The following ITPR3 variants were observed in gnomAD, a reference collection of about 807,000 sequenced individuals.
ITPR3 encodes the protein inositol 1,4,5-trisphosphate-gated calcium channel ITPR3.
ITPR3 carries 173 observed loss-of-function variants against 293.2 expected under a neutral mutation model. The observed-to-expected ratio is 0.59, with a 90% CI of 0.52 to 0.67. The LOEUF (loss-of-function observed/expected upper bound fraction) is 0.67, where lower values mean the gene tolerates loss of function less well. Among genes scored for constraint, ITPR3 ranks in the 30% least tolerant of loss-of-function variants. The pLI, the probability that ITPR3 is intolerant of heterozygous loss-of-function variation, is 0.00. For synonymous variants in ITPR3, 1,295 were observed against 1,444.4 expected, an observed-to-expected ratio of 0.90 and a Z score of 2.35; for missense variants, 2,796 against 3,592.1, an observed-to-expected ratio of 0.78 and a Z score of 5.66.
chr6:33,669,685 C>A (rs1267199621), intron 18 of ITPR3, among the ~76,000 whole-genome samples: 3 of 152,236 alleles, frequency 2.0e-5, no homozygotes, highest in Admixed American at 1.3e-4. Flanking sequence ...AGCACTTGTC[C>A]TGATCCTTCA....
In ITPR3 at chr6:33,634,411, C is replaced by T. The variant is rs567013837; in HGVS notation, c.90-6073C>T. ...GACCCGGGAGAAAATGCCCAAGGTC[C>T]CATCTCCTGCCTCCCAAGTCCTCAC... is the stretch of plus-strand genomic sequence containing the variant. On this transcript the variant is annotated intron_variant, in intron 1 of 57. Coordinates refer to ENST00000605930, the MANE Select transcript of ITPR3 (RefSeq NM_002224.4). Among the ~76,000 whole-genome samples the T allele has an allele frequency of 3.3e-5, 5 of 152,214 alleles. 1 individual carries two copies. Among genetic ancestry groups the T allele is most frequent in the African/African-American group, 1.2e-4 (5 of 41,530 alleles).
At chr6:33,628,500 T>C (rs1763599146) in intron 1 of ITPR3, among the ~76,000 whole-genome samples, 1 of 152,210 alleles carries the variant, frequency 6.6e-6, no homozygotes, top group South Asian at 2.1e-4. Context: ...AGCAGGGGAC[T>C]GAGAAGAGAA....
intron 39 of ITPR3, 142 bp from the exon 40 acceptor site, chr6:33,685,217 G>A: frequency 1.1e-6 from 1 of 870,050 alleles, no homozygotes; most frequent in Non-Finnish European, 1.8e-6. Flanking sequence ...GGGTGGCCAT[G>A]GATGCTAGCC....
In ITPR3 at chr6:33,691,749, G is replaced by A; in HGVS notation, c.7330+30G>A. On this transcript the variant is annotated intron_variant, in intron 53 of 57. Transcript: ENST00000605930. The surrounding 1 kb of genome is among the most constrained non-coding windows in gnomAD (Gnocchi z 4.9). ...GGGTGGTGTGTGTGCAGGAGTCTGT[G>A]TGGGGTAGGAGGAGCAGGCAGCCCG... 1 of 1,611,500 alleles carries A rather than the reference G, an allele frequency of 6.2e-7. No homozygotes were observed. The highest frequency in any genetic ancestry group is 1.1e-5 in the South Asian group (1 of 90,742).
In ITPR3 at chr6:33,686,045, C is replaced by G; in HGVS notation, c.5668-8C>G. ...CTGTGCTGTGCCCAACCCTTCTGTG[C>G]CCCGCAGAACTTCCTGCGCTGTCAG... is the stretch of plus-strand genomic sequence containing the variant. On this transcript the variant is annotated splice_region_variant and splice_polypyrimidine_tract_variant and intron_variant, in intron 41 of 57. Coordinates refer to ENST00000605930, the MANE Select transcript of ITPR3 (RefSeq NM_002224.4). The G allele has an allele frequency of 6.2e-7, 1 of 1,613,780 alleles. No individual in the cohort carries two copies. The highest frequency in any genetic ancestry group is 8.5e-7 in the Non-Finnish European group (1 of 1,179,952).
intron 9 of ITPR3, 99 bp downstream of exon 9, chr6:33,663,105 C>T (rs1348374259): frequency 9.1e-6 from 9 of 983,982 alleles, no homozygotes; most frequent in African/African-American, 1.6e-5. Flanking sequence ...GGCACATGTG[C>T]CTATGGACCC....
intron 24 of ITPR3, among the ~76,000 whole-genome samples, chr6:33,674,642 GC>G (rs1306398531): frequency 6.6e-6 from 1 of 152,248 alleles, no homozygotes; most frequent in Non-Finnish European, 1.5e-5. Flanking sequence ...CTCACTGGGG[GC>G]TTTTAGCATC....
In ITPR3 at chr6:33,653,406, C is replaced by T. The variant is rs112295218; in HGVS notation, c.161-2360C>T. Among the ~76,000 whole-genome samples, 379 of 152,034 alleles carry T rather than the reference C, an allele frequency of 2.5e-3. 1 individual carries two copies. The highest frequency in any genetic ancestry group is 0.01 in the Middle Eastern group (3 of 294). ...CTGGAATTACAGGCGTGAGCCACTG[C>T]GCCCAGCCCACTTACCTTTAAATCA... is the stretch of plus-strand genomic sequence containing the variant. On this transcript the variant is annotated intron_variant, in intron 2 of 57. Coordinates refer to ENST00000605930, the MANE Select transcript of ITPR3 (RefSeq NM_002224.4).
intron 33 of ITPR3, among the ~76,000 whole-genome samples, chr6:33,681,685 G>A (rs72882055): frequency 0.015 from 2,259 of 152,232 alleles, 26 homozygotes; most frequent in Non-Finnish European, 0.022. Flanking sequence ...CTGGGGTGGG[G>A]TGGGATCGTG....
At position 33,670,412 on chromosome 6, in the gene ITPR3, G is replaced by C; in HGVS notation, c.2277G>C (p.Leu759=). 1 of 1,614,102 alleles carries C rather than the reference G, an allele frequency of 6.2e-7. No homozygotes were observed. The highest frequency in any genetic ancestry group is 8.5e-7 in the Non-Finnish European group (1 of 1,180,026). The change falls in exon 19 of 58, where the codon CTG becomes CTC. Residue 759 remains leucine (L), a synonymous_variant. Transcript: ENST00000605930. The surrounding 1 kb of genome is among the most constrained non-coding windows in gnomAD (Gnocchi z 6.7). The part of the protein sequence containing the change: ...DEISQQLGVD[L]IFLCMADEML... Reference sequence around the variant, plus strand: ...TCTCCCAGCAGCTGGGCGTGGACCTGATTTTCCTGTGCATGGCAGACGAGA... The same window carrying C: ...TCTCCCAGCAGCTGGGCGTGGACCTCATTTTCCTGTGCATGGCAGACGAGA...
rs751097218 is a variant in ITPR3, at chr6:33,678,696, G to A, written c.3829G>A (p.Glu1277Lys). The A allele has an allele frequency of 3.7e-6, 6 of 1,613,124 alleles. No homozygotes were observed. Among genetic ancestry groups the A allele is most frequent in the South Asian group, 2.2e-5 (2 of 90,872 alleles). Residue 1277 changes from glutamate to lysine, a missense_variant, in exon 30 of 58, where the codon GAG becomes AAG. This residue lies in a region of ITPR3 where 344 missense variants were observed against 460.3 expected (regional missense o/e 0.75). Transcript: ENST00000605930. ...CCTGAACAACTATCAGCTCTGCTCC[G>A]AGATCAGCGAGCCTGTGTTGCAGCA... ...IFLNNYQLCS[E>K]ISEPVLQHFV...
intron 7 of ITPR3, 91 bp downstream of exon 7, chr6:33,659,640 A>C: frequency 9.1e-7 from 1 of 1,095,222 alleles, no homozygotes. Flanking sequence ...GCCAGGCCTC[A>C]GGCCCTTACC....
chr6:33,621,427 C>T lies in ITPR3; in HGVS notation c.-176C>T, dbSNP rs1284651688. 7 of 455,364 alleles carry T rather than the reference C, an allele frequency of 1.5e-5. No homozygotes were observed. Among genetic ancestry groups the T allele is most frequent in the African/African-American group, 4.2e-5 (2 of 47,328 alleles). The allele number at this position is 455,364 out of a possible 1,614,324, so 28.2% of individuals were successfully genotyped here. On this transcript the variant is annotated 5_prime_UTR_variant, in exon 1 of 58. Coordinates refer to ENST00000605930, the MANE Select transcript of ITPR3 (RefSeq NM_002224.4). This position sits in a 1 kb window ranked among gnomAD's most constrained non-coding sequence, Gnocchi z 7.7. ...ACCTCCTCACCCGGACCCCGGGCCC[C>T]GCCGAGCCGCCTCCTGGCTCCCGTG...
rs1358545242 is a variant in ITPR3, at chr6:33,687,476, A to G, written c.6178-2A>G. 6.2e-7 allele frequency: 1 copy of G among 1,610,022 alleles called. No homozygotes were observed. The highest frequency in any genetic ancestry group is 8.5e-7 in the Non-Finnish European group (1 of 1,178,902). ...TGGTGACTGTGCTGCCATTTCCCTC[A>G]GCTCTCCAGGCACAATAAACAGCTG... On this transcript the variant is annotated splice_acceptor_variant, in intron 45 of 57. Coordinates refer to ENST00000605930, the MANE Select transcript of ITPR3 (RefSeq NM_002224.4). LOFTEE classifies it high-confidence loss of function. The surrounding 1 kb of genome is among the most constrained non-coding windows in gnomAD (Gnocchi z 5.3).
At chr6:33,688,982 C>T (rs1765315901) in intron 49 of ITPR3, among the ~76,000 whole-genome samples, 1 of 152,208 alleles carries the variant, frequency 6.6e-6, no homozygotes, top group South Asian at 2.1e-4. Context: ...GGTCTTTGAC[C>T]TCATGGGAGA....
At position 33,688,460 on chromosome 6, in the gene ITPR3, C is replaced by T. The variant is rs199782948; in HGVS notation, c.6568+29C>T. 4.0e-4 allele frequency: 590 copies of T among 1,470,086 alleles called. 3 individuals carry two copies. Among genetic ancestry groups the T allele is most frequent in the Admixed American group, 2.6e-3 (127 of 49,296 alleles). 91.1% of individuals were successfully genotyped at this position (1,470,086 alleles called of 1,614,324 possible). On this transcript the variant is annotated intron_variant, in intron 48 of 57. Coordinates refer to ENST00000605930, the MANE Select transcript of ITPR3 (RefSeq NM_002224.4). ...AGGACCCACGGGCGGGAGGGTGGGG[C>T]GGTCTGGAGCTGTTCACTGATGCCC...
chr6:33,631,160 G>T (rs1376325536), intron 1 of ITPR3, among the ~76,000 whole-genome samples: 1 of 152,246 alleles, frequency 6.6e-6, no homozygotes, highest in Non-Finnish European at 1.5e-5. Flanking sequence ...CAGTTGTAGG[G>T]TCTAGCCCTA....
chr6:33,663,661 T>A, intron 10 of ITPR3, 77 bp from the exon 11 acceptor site: 1 of 1,608,280 alleles, frequency 6.2e-7, no homozygotes, highest in South Asian at 1.1e-5. Context: ...ACAGATGGGA[T>A]CTCAGGTGGG....
chr6:33,626,817 T>G (rs535623510), intron 1 of ITPR3, among the ~76,000 whole-genome samples: 2 of 152,308 alleles, frequency 1.3e-5, no homozygotes, highest in East Asian at 3.9e-4. Flanking sequence ...CTTTCTTTTA[T>G]TTTTTTGGAG....
Sources: allele counts gnomAD v4.1 joint callset (sites outside exome capture counted in the v4.1 genomes callset), GRCh38; gene constraint gnomAD v4.1.1; regional missense constraint gnomAD v4.1.1; non-coding constraint Gnocchi (gnomAD v3.1); transcripts MANE v1.5; gene names NCBI Gene and HGNC (gene_info 2026-07-23, HGNC 2026-07-21).